The following FUT8 variants were observed in gnomAD, a reference collection of about 807,000 sequenced individuals.
FUT8 encodes alpha-(1,6)-fucosyltransferase.
FUT8 carries 29 observed loss-of-function variants against 71.3 expected under a neutral mutation model. That is an observed-to-expected ratio of 0.41 (90% confidence interval 0.30 to 0.55). FUT8 has a LOEUF of 0.55. Ranked by LOEUF, FUT8 falls within the 20% of genes least tolerant of loss-of-function variation. The pLI, the probability that FUT8 is intolerant of heterozygous loss-of-function variation, is 0.34. For synonymous variants in FUT8, 254 were observed against 239.3 expected (o/e 1.06, Z -0.57); for missense variants, 544 against 702.1 (o/e 0.77, Z 2.55).
chr14:65,602,084 A>T (rs1166166086), intron 3 of FUT8, among the ~76,000 whole-genome samples: 3 of 151,772 alleles, frequency 2.0e-5, no homozygotes, highest in Admixed American at 6.6e-5. Flanking sequence ...TCACCCGAGC[A>T]GTATACGCTG....
chr14:65,700,386 T>TTTTG (rs1894224352), intron 7 of FUT8, among the ~76,000 whole-genome samples: 1 of 119,006 alleles, frequency 8.4e-6, no homozygotes, highest in African/African-American at 3.3e-5. Context: ...TTTCTGTTTT[T>TTTTG]TTTTTTTTTT....
At chr14:65,729,345 T>C (rs1187893010) in intron 9 of FUT8, among the ~76,000 whole-genome samples, 1 of 152,064 alleles carries the variant, frequency 6.6e-6, no homozygotes, top group Non-Finnish European at 1.5e-5. Context: ...ACTACATACA[T>C]ATACGCTGTA....
At chr14:65,730,264 T>C (rs1312183334) in intron 9 of FUT8, among the ~76,000 whole-genome samples, 1 of 152,244 alleles carries the variant, frequency 6.6e-6, no homozygotes, top group East Asian at 1.9e-4. Context: ...ATCTATTTTC[T>C]GTGTTGCTCA....
intron 2 of FUT8, among the ~76,000 whole-genome samples, 181 bp from the exon 3 acceptor site, chr14:65,561,156 T>C (rs1885895434): frequency 6.6e-6 from 1 of 152,174 alleles, no homozygotes; most frequent in Non-Finnish European, 1.5e-5. Context: ...CTAATGTACA[T>C]GGCTGATTTA....
chr14:65,494,249 A>G (rs2066525835), intron 2 of FUT8, among the ~76,000 whole-genome samples: 1 of 152,166 alleles, frequency 6.6e-6, no homozygotes. Context: ...TAATCAATAT[A>G]AAAATATCAA....
At chr14:65,651,738 A>G (rs535482046) in intron 6 of FUT8, among the ~76,000 whole-genome samples, 1 of 152,354 alleles carries the variant, frequency 6.6e-6, no homozygotes, top group South Asian at 2.1e-4. Context: ...ACTGATAAAT[A>G]TAATAAACTA....
chr14:65,417,613 C>T (rs1245369268), intron 1 of FUT8, among the ~76,000 whole-genome samples: 2 of 152,084 alleles, frequency 1.3e-5, no homozygotes, highest in Non-Finnish European at 2.9e-5. Context: ...TCTTACCCAT[C>T]TACTTTAAAA....
chr14:65,681,543 T>C (rs890156830), intron 7 of FUT8, among the ~76,000 whole-genome samples: 2 of 152,234 alleles, frequency 1.3e-5, no homozygotes, highest in Admixed American at 1.3e-4. Context: ...TTATTTCTAA[T>C]GTTTCCAGTA....
At chr14:65,513,054 G>A (rs950207839) in intron 2 of FUT8, among the ~76,000 whole-genome samples, 2 of 152,164 alleles carry the variant, frequency 1.3e-5, no homozygotes. Context: ...TGTGGACATT[G>A]GGTAGCATGG....
At chr14:65,505,580 GGGATTACAGGA>G (rs1461566177) in intron 2 of FUT8, among the ~76,000 whole-genome samples, 1 of 152,154 alleles carries the variant, frequency 6.6e-6, no homozygotes, top group Non-Finnish European at 1.5e-5. Context: ...CCAAAGTGCT[GGGATTACAGGA>G]GTGAGCTACC....
chr14:65,454,171 A>G (rs1012905144), intron 1 of FUT8, among the ~76,000 whole-genome samples: 4 of 152,234 alleles, frequency 2.6e-5, no homozygotes, highest in Admixed American at 2.6e-4. Flanking sequence ...TGGATTATTG[A>G]GGAGTTTGGC....
In FUT8 at chr14:65,655,408, G is replaced by A. The variant is rs12436677; in HGVS notation, c.598-13835G>A. Among the ~76,000 whole-genome samples the A allele has an allele frequency of 5.6e-3, 846 of 150,936 alleles. 28 individuals are homozygous for A. The East Asian group carries it at 0.09, about 16-fold the overall frequency. On this transcript the variant is annotated intron_variant, in intron 6 of 10. Transcript: ENST00000673929. ...GGAGAATGGCATGAACCTGGGAGGC[G>A]GAACTTGCAGTGAGCCGAGATCACG...
intron 6 of FUT8, among the ~76,000 whole-genome samples, chr14:65,661,532 A>C (rs1891964496): frequency 6.6e-6 from 1 of 152,196 alleles, no homozygotes. Context: ...GTTTTTGGTC[A>C]GTAGTAACTC....
intron 7 of FUT8, among the ~76,000 whole-genome samples, chr14:65,689,669 G>T (rs2063020447): frequency 6.6e-6 from 1 of 152,156 alleles, no homozygotes; most frequent in African/African-American, 2.4e-5. Context: ...CTCCCAAGTA[G>T]CTGGGACTAC....
intron 2 of FUT8, among the ~76,000 whole-genome samples, chr14:65,474,753 T>C (rs1319887076): frequency 6.6e-6 from 1 of 152,206 alleles, no homozygotes. Flanking sequence ...CCTAATACCT[T>C]GGTGAGCCTG....
chr14:65,704,366 A>G (rs1289546119), intron 7 of FUT8, among the ~76,000 whole-genome samples: 1 of 151,826 alleles, frequency 6.6e-6, no homozygotes, highest in African/African-American at 2.4e-5. Flanking sequence ...AGGGCAATGG[A>G]GGAAAGTGAG....
intron 2 of FUT8, among the ~76,000 whole-genome samples, chr14:65,485,608 T>C (rs573591587): frequency 1.3e-5 from 2 of 152,334 alleles, no homozygotes; most frequent in South Asian, 4.1e-4. Context: ...TCAGATGTTT[T>C]TTTCCCCAGC....
intron 7 of FUT8, among the ~76,000 whole-genome samples, chr14:65,715,162 T>C (rs980099182): frequency 1.3e-5 from 2 of 152,208 alleles, no homozygotes; most frequent in Non-Finnish European, 2.9e-5. Flanking sequence ...TTCCAGATCT[T>C]AGAGAAGTGG....
At chr14:65,391,231 G>A in the FUT8 span, among the ~76,000 whole-genome samples, 3 of 152,200 alleles carry the variant, frequency 2.0e-5, no homozygotes, top group African/African-American at 7.2e-5. Flanking sequence ...GGGTATGAGA[G>A]CTGGACAGTG....
Sources: gnomAD v4.1 joint callset for allele counts (sites outside exome capture counted in the v4.1 genomes callset) on GRCh38, gnomAD v4.1.1 for gene constraint, MANE v1.5 for transcripts, NCBI Gene and HGNC (gene_info 2026-07-23, HGNC 2026-07-21) for gene names.